SNX19: variants seen among roughly 807,000 people sequenced by gnomAD.
SNX19 encodes sorting nexin-19.
A neutral mutation model predicts 85.2 loss-of-function variants in SNX19; 60 were observed. That is an observed-to-expected ratio of 0.70 (90% CI 0.57 to 0.87). The LOEUF (loss-of-function observed/expected upper bound fraction) is 0.87, where lower values mean the gene tolerates loss of function less well. Ranked by LOEUF, SNX19 falls within the 40% of genes least tolerant of loss-of-function variation. The pLI is 0.00. For missense variants in SNX19, 1,201 were observed against 1,217.8 expected (o/e 0.99, Z 0.21); for synonymous variants, 520 against 470.0 (o/e 1.11, Z -1.38).
In SNX19 at chr11:130,904,595, C is replaced by T. The variant is rs183456082; in HGVS notation, c.2444-1211G>A. Among the ~76,000 whole-genome samples the T allele has an allele frequency of 2.6e-5, 4 of 152,158 alleles. No homozygotes were observed. The East Asian group carries it at 5.8e-4, about 22-fold the overall frequency. On this transcript the variant is annotated intron_variant, in intron 7 of 10. Coordinates refer to ENST00000265909, the MANE Select transcript of SNX19 (RefSeq NM_014758.3). ...ATGATTCTCTCAGGTTTAGCATTTGCTTGGAGCTGCCACCATGTGGTAACA... is the reference window on the plus strand; with the variant it reads ...ATGATTCTCTCAGGTTTAGCATTTGTTTGGAGCTGCCACCATGTGGTAACA...
In SNX19 at chr11:130,871,180, G is replaced by A. The variant is rs647516; in HGVS notation, c.*7242C>T. ...CCCTAGATTTTTTTGGAAGTTTCTC[G>A]TCTAACCTCCTGCCTAAACCATCTA... On this transcript the variant is annotated 3_prime_UTR_variant, in exon 11 of 11. Transcript: ENST00000265909. 0.051 allele frequency among the ~76,000 whole-genome samples: 7,752 copies of A among 152,202 alleles called. 283 individuals are homozygous for A. The highest frequency in any genetic ancestry group is 0.078 in the Non-Finnish European group (5,324 of 67,990).
At position 130,908,036 on chromosome 11, in the gene SNX19, G is replaced by A; in HGVS notation, c.2082C>T (p.Arg694=). The A allele has an allele frequency of 6.2e-7, 1 of 1,614,166 alleles. No homozygotes were observed. Among genetic ancestry groups the A allele is most frequent in the Non-Finnish European group, 8.5e-7 (1 of 1,180,028 alleles). ...CCTCTGTGGGGCTCTGGGGTTCAGAGCGAGGAAACGCTGTCTTCAAGGTGT... is the reference window on the plus strand; with the variant it reads ...CCTCTGTGGGGCTCTGGGGTTCAGAACGAGGAAACGCTGTCTTCAAGGTGT... ...IVDTLKTAFP[R]SEPQSPTEEL... is the part of the protein sequence containing the mutation. The change falls in exon 5 of 11, where the codon CGC becomes CGT. Residue 694 remains arginine (R), a synonymous_variant. Transcript: ENST00000265909.
At position 130,905,943 on chromosome 11, in the gene SNX19, C is replaced by T. The variant is rs1352593978; in HGVS notation, c.2443+10G>A. 2 of 1,614,074 alleles carry T rather than the reference C, an allele frequency of 1.2e-6. No individual in the cohort carries two copies. Among genetic ancestry groups the T allele is most frequent in the Non-Finnish European group, 8.5e-7 (1 of 1,180,036 alleles). ...CCCTTCTCCATGGGAGCAGAGACCT[C>T]GCCACTCACCTGGATCGCTGTTGCT... On this transcript the variant is annotated intron_variant, in intron 7 of 10. Coordinates refer to ENST00000265909, the MANE Select transcript of SNX19 (RefSeq NM_014758.3).
chr11:130,896,873 G>C (rs1944908792), intron 8 of SNX19, among the ~76,000 whole-genome samples: 2 of 152,072 alleles, frequency 1.3e-5, no homozygotes, highest in African/African-American at 4.8e-5. Flanking sequence ...ATGTCACAAA[G>C]AACTGTTATC....
intron 8 of SNX19, among the ~76,000 whole-genome samples, chr11:130,881,622 A>G (rs1943683474): frequency 6.6e-6 from 1 of 152,218 alleles, no homozygotes; most frequent in Admixed American, 6.5e-5. Flanking sequence ...TGACTGTCTT[A>G]GGGATTTCCT....
intron 8 of SNX19, chr11:130,895,114 G>A (rs1018573682): frequency 2.3e-4 from 229 of 985,280 alleles, no homozygotes; most frequent in Middle Eastern, 5.2e-4. Context: ...GGCTCGGTGG[G>A]GCTTCATACT....
chr11:130,884,444 C>CG (rs1432260107), intron 8 of SNX19, among the ~76,000 whole-genome samples: 2 of 152,160 alleles, frequency 1.3e-5, no homozygotes, highest in Non-Finnish European at 2.9e-5. Context: ...TGTCTGAACT[C>CG]TAATACATCA....
chr11:130,900,384 G>C (rs1945180017), intron 8 of SNX19, among the ~76,000 whole-genome samples: 2 of 152,160 alleles, frequency 1.3e-5, no homozygotes, highest in Admixed American at 1.3e-4. Context: ...CCTCTGCTCT[G>C]AACTCTAAAA....
At chr11:130,910,424 C>T (rs1946016909) in intron 2 of SNX19, 54 bp from the exon 3 acceptor site, 4 of 1,270,274 alleles carry the variant, frequency 3.1e-6, no homozygotes, top group Admixed American at 4.2e-5. Context: ...TCACAGAGAG[C>T]TATTCCATAT....
At chr11:130,895,589 T>C (rs6590528) in intron 8 of SNX19, among the ~76,000 whole-genome samples, 96,006 of 151,464 alleles carry the variant, frequency 0.63, 30,638 homozygotes, top group South Asian at 0.8. Context: ...GGGCAAGAGA[T>C]GCCAAGAACC....
At chr11:130,905,777 A>G in intron 7 of SNX19, 176 bp downstream of exon 7, 1 of 1,538,254 alleles carries the variant, frequency 6.5e-7, no homozygotes, top group Non-Finnish European at 8.7e-7. Context: ...CGCTGTGGCA[A>G]CTATGTACTA....
rs998753401 is a variant in SNX19 at position 130,870,232 on chromosome 11, C to T, written c.*8190G>A. On this transcript the variant is annotated 3_prime_UTR_variant, in exon 11 of 11. Transcript: ENST00000265909. ...TTCAATACAAGCTCTTGCCTCAGTCCTCTCCAGATTGCTAAAAGGAGGTGT... is the reference window on the plus strand; with the variant it reads ...TTCAATACAAGCTCTTGCCTCAGTCTTCTCCAGATTGCTAAAAGGAGGTGT... The T allele has an allele frequency of 2.9e-4, 44 of 152,226 alleles. No individual in the cohort carries two copies. The highest frequency in any genetic ancestry group is 1.0e-3 in the African/African-American group (42 of 41,462). The allele number at this position is 152,226 out of a possible 1,614,324, so 9.4% of individuals were successfully genotyped here.
In SNX19 at chr11:130,866,655, C is replaced by T. The variant is rs562998063; in HGVS notation, c.*11767G>A. The stretch of plus-strand genomic sequence containing the variant: ...AGGTTTGACATTCTGCCCAGAGCAA[C>T]GGAGGGCAGCGTGGTTTACCAGCGA... On this transcript the variant is annotated 3_prime_UTR_variant, in exon 11 of 11. Coordinates refer to ENST00000265909, the MANE Select transcript of SNX19 (RefSeq NM_014758.3). 3.0e-4 allele frequency: 46 copies of T among 152,266 alleles called. No individual in the cohort carries two copies. Among genetic ancestry groups the T allele is most frequent in the Middle Eastern group, 3.4e-3 (1 of 294 alleles). The allele number at this position is 152,266 out of a possible 1,614,324, so 9.4% of individuals were successfully genotyped here.
rs1395534068 is a variant in SNX19 at position 130,868,805 on chromosome 11, G to C, written c.*9617C>G. 2 of 152,212 alleles carry C rather than the reference G, an allele frequency of 1.3e-5. No homozygotes were observed. Among genetic ancestry groups the C allele is most frequent in the Non-Finnish European group, 2.9e-5 (2 of 68,104 alleles). The allele number at this position is 152,212 out of a possible 1,614,324, so 9.4% of individuals were successfully genotyped here. On this transcript the variant is annotated 3_prime_UTR_variant, in exon 11 of 11. Transcript: ENST00000265909. Reference sequence around the variant, plus strand: ...TTGCTGTCATCTGGTTTAGTCAAGGGGGTTGTGAGGCGTGTGGGCTCCATT... The same window carrying C: ...TTGCTGTCATCTGGTTTAGTCAAGGCGGTTGTGAGGCGTGTGGGCTCCATT...
rs1942803640 is a variant in SNX19, at chr11:130,867,217, A to G, written c.*11205T>C. The G allele has an allele frequency of 6.6e-6, 1 of 152,228 alleles. No homozygotes were observed. The highest frequency in any genetic ancestry group is 2.1e-4 in the South Asian group (1 of 4,832). 9.4% of individuals were successfully genotyped at this position (152,228 alleles called of 1,614,324 possible). ...AGGACATGAGTATTAATAACTTGCC[A>G]AATTACCTTAAACAGTGATTGTCAA... On this transcript the variant is annotated 3_prime_UTR_variant, in exon 11 of 11. Transcript: ENST00000265909.
chr11:130,881,560 T>G (rs1229653751), intron 8 of SNX19, among the ~76,000 whole-genome samples: 1 of 152,218 alleles, frequency 6.6e-6, no homozygotes, highest in African/African-American at 2.4e-5. Flanking sequence ...GACTTAGCGA[T>G]CTTTAAACAA....
intron 8 of SNX19, chr11:130,893,829 CG>C (rs1175020715): frequency 5.7e-6 from 4 of 702,138 alleles, no homozygotes; most frequent in African/African-American, 1.7e-5. Context: ...AGAAATCTTT[CG>C]GGGCCAGCAT....
chr11:130,896,187 C>T (rs776010669), intron 8 of SNX19, among the ~76,000 whole-genome samples: 3 of 152,200 alleles, frequency 2.0e-5, no homozygotes, highest in Admixed American at 1.3e-4. Context: ...TCTAGAAAAG[C>T]TGTGCATAGG....
intron 7 of SNX19, 125 bp from the exon 8 acceptor site, chr11:130,903,509 C>A: frequency 1.1e-6 from 1 of 950,174 alleles, no homozygotes; most frequent in Non-Finnish European, 1.5e-6. Flanking sequence ...TTTTGCAATC[C>A]CTCTACACTC....
Sources: gnomAD v4.1 joint callset for allele counts (sites outside exome capture counted in the v4.1 genomes callset) on GRCh38, gnomAD v4.1.1 for gene constraint, MANE v1.5 for transcripts, NCBI Gene and HGNC (gene_info 2026-07-23, HGNC 2026-07-21) for gene names.